The following CELA2A variants were observed in gnomAD, a reference collection of about 807,000 sequenced individuals.
The protein encoded by CELA2A is chymotrypsin like elastase 2A.
CELA2A carries 31 observed loss-of-function variants against 35.3 expected under a neutral mutation model. The ratio of observed to expected loss-of-function variants is 0.88; its 90% confidence interval spans 0.66 to 1.19. The LOEUF (loss-of-function observed/expected upper bound fraction) is 1.19, where lower values mean the gene tolerates loss of function less well. CELA2A is among the 50% of genes most tolerant of loss of function. The pLI is 0.00. For missense variants in CELA2A, 330 were observed against 352.9 expected (o/e 0.94, Z 0.52); for synonymous variants, 150 against 149.8 (o/e 1.00, Z -0.01).
intron 2 of CELA2A, among the ~76,000 whole-genome samples, chr1:15,461,219 T>G (rs574999485): frequency 1.5e-3 from 227 of 152,148 alleles, no homozygotes; most frequent in Non-Finnish European, 2.9e-3. Flanking sequence ...AAGATGAGAT[T>G]TGGGTAGGGA....
At position 15,457,057 on chromosome 1, in the gene CELA2A, C is replaced by T. The variant is rs201633445; in HGVS notation, c.41-29C>T. 8.5e-5 allele frequency: 132 copies of T among 1,558,016 alleles called. No homozygotes were observed. In the East Asian group the frequency reaches 2.8e-3, roughly 33 times the overall value. ...TTTACATTGTGTGGGTCGCTGCTTC[C>T]TGACTCAAGACCCTTTCTCTTTTCA... On this transcript the variant is annotated intron_variant, in intron 1 of 7. Transcript: ENST00000359621.
At chr1:15,462,621 C>T in intron 3 of CELA2A, 112 bp from the exon 4 acceptor site, 1 of 1,358,014 alleles carries the variant, frequency 7.4e-7, no homozygotes, top group South Asian at 1.4e-5. Flanking sequence ...GGAAAGATCC[C>T]CAAGTCCCAT....
rs555516808 is a variant in CELA2A, at chr1:15,470,656, A to C, written c.793-1334A>C. Among the ~76,000 whole-genome samples the C allele has an allele frequency of 3.7e-4, 57 of 152,138 alleles. 1 individual carries two copies. Among genetic ancestry groups the C allele is most frequent in the African/African-American group, 1.3e-3 (56 of 41,496 alleles). The stretch of plus-strand genomic sequence containing the variant: ...AATGCAGTGGCTTGATCGCAGCTCA[A>C]TGCAACCTCCACCTCCCGGGTTCAA... On this transcript the variant is annotated intron_variant, in intron 7 of 7. Coordinates refer to ENST00000359621, the MANE Select transcript of CELA2A (RefSeq NM_033440.3).
chr1:15,466,962 T>C (rs1372626687), intron 6 of CELA2A, among the ~76,000 whole-genome samples: 1 of 152,110 alleles, frequency 6.6e-6, no homozygotes. Context: ...CCCTACACAC[T>C]CTGCCCACAT....
At position 15,463,625 on chromosome 1, in the gene CELA2A, C is replaced by A. The variant is rs1279430675; in HGVS notation, c.493+103C>A. The A allele has an allele frequency of 7.6e-6, 12 of 1,569,898 alleles. No individual in the cohort carries two copies. The African/African-American group carries it at 1.2e-4, about 16-fold the overall frequency. On this transcript the variant is annotated intron_variant, in intron 5 of 7. Transcript: ENST00000359621. ...TCACCTGTCATCCCAGGGTGTGTGG[C>A]TGCCTTGGAGAGACGGGATGGCATA...
In CELA2A at chr1:15,463,364, C is replaced by G. The variant is rs1401693732; in HGVS notation, c.357-22C>G. The G allele has an allele frequency of 3.1e-6, 5 of 1,613,022 alleles. No individual in the cohort carries two copies. In the African/African-American group the frequency reaches 6.7e-5, roughly 22 times the overall value. ...AGGAAAAGTCAACCCGGTCCTCATG[C>G]TTCGCCTCCACACTCACCCAGGAAC... On this transcript the variant is annotated intron_variant, in intron 4 of 7. Transcript: ENST00000359621.
At chr1:15,462,895 G>T in intron 4 of CELA2A, 34 bp downstream of exon 4, 1 of 1,613,864 alleles carries the variant, frequency 6.2e-7, no homozygotes, top group Non-Finnish European at 8.5e-7. Context: ...TGGGGGTGAG[G>T]TTGTCAGGGA....
In CELA2A at chr1:15,459,805, T is replaced by G. The variant is rs1277757818; in HGVS notation, c.130-1756T>G. Among the ~76,000 whole-genome samples the G allele has an allele frequency of 4.0e-5, 6 of 151,682 alleles. No homozygotes were observed. In the East Asian group the frequency reaches 1.2e-3, roughly 29 times the overall value. ...TAAGACATTCACTCTGGAGGCAAAATGTAAGGGGGTAGCACAAAACTCAGC... is the reference window on the plus strand; with the variant it reads ...TAAGACATTCACTCTGGAGGCAAAAGGTAAGGGGGTAGCACAAAACTCAGC... On this transcript the variant is annotated intron_variant, in intron 2 of 7. Coordinates refer to ENST00000359621, the MANE Select transcript of CELA2A (RefSeq NM_033440.3).
chr1:15,470,224 C>T (rs1708573094), intron 7 of CELA2A, among the ~76,000 whole-genome samples: 1 of 152,160 alleles, frequency 6.6e-6, no homozygotes, highest in South Asian at 2.1e-4. Flanking sequence ...GCAGTAGCCC[C>T]AACCCAGGGA....
In CELA2A at chr1:15,462,780, T is replaced by A. The variant is rs1480156649; in HGVS notation, c.275T>A (p.Val92Asp). ...RVGLGRHNLY[V>D]AESGSLAVSV... is the part of the protein sequence containing the mutation. ...GGGCTGGGCCGGCACAACCTCTACG[T>A]TGCGGAGTCCGGCTCGCTGGCAGTC... The change falls in exon 4 of 8, where the codon GTT becomes GAT. Residue 92 changes from valine to aspartate, a missense_variant. Val to Asp is a radical substitution (Grantham distance 152). Transcript: ENST00000359621. The A allele has an allele frequency of 1.2e-6, 2 of 1,614,124 alleles. No individual in the cohort carries two copies. The highest frequency in any genetic ancestry group is 1.6e-4 in the Middle Eastern group (1 of 6,062).
At chr1:15,459,491 G>A (rs1215549688) in intron 2 of CELA2A, among the ~76,000 whole-genome samples, 2 of 152,100 alleles carry the variant, frequency 1.3e-5, no homozygotes, top group African/African-American at 4.8e-5. Flanking sequence ...GGCTTTGTGT[G>A]CTTTTGCCAG....
intron 7 of CELA2A, among the ~76,000 whole-genome samples, chr1:15,469,508 G>A (rs1025060642): frequency 2.0e-5 from 3 of 152,192 alleles, no homozygotes; most frequent in East Asian, 1.9e-4. Context: ...CTGCAGCCAT[G>A]AGCACGTGGT....
chr1:15,465,818 G>T (rs1384790723), intron 5 of CELA2A, 181 bp from the exon 6 acceptor site: 2 of 687,388 alleles, frequency 2.9e-6, no homozygotes, highest in Non-Finnish European at 5.0e-6. Flanking sequence ...CATTGGCTTA[G>T]CTTGAGTCAG....
chr1:15,470,358 A>G (rs1220035851), intron 7 of CELA2A, among the ~76,000 whole-genome samples: 5 of 152,166 alleles, frequency 3.3e-5, no homozygotes, highest in Non-Finnish European at 5.9e-5. Flanking sequence ...AGAGCAGAGA[A>G]GCAGAGGAGA....
chr1:15,457,609 CAA>C (rs79860840), intron 2 of CELA2A: 47 of 129,542 alleles, frequency 3.6e-4, no homozygotes, highest in Non-Finnish European at 4.8e-4. Context: ...GACTCTGTCT[CAA>C]AAAAAAAAAA....
At chr1:15,457,046 G>A in intron 1 of CELA2A, 40 bp from the exon 2 acceptor site, 1 of 1,575,548 alleles carries the variant, frequency 6.3e-7, no homozygotes, top group Non-Finnish European at 8.7e-7. Flanking sequence ...CATTGTGTGG[G>A]TCGCTGCTTC....
In CELA2A at chr1:15,461,450, G is replaced by A. The variant is rs1380299499; in HGVS notation, c.130-111G>A. On this transcript the variant is annotated intron_variant, in intron 2 of 7. Transcript: ENST00000359621. ...CTGCCTTAAGTTGTGCACATGAGGC[G>A]ACTGCCTCACTCCCCCTTACCCTTG... The A allele has an allele frequency of 3.6e-5, 40 of 1,112,570 alleles. No individual in the cohort carries two copies. In the South Asian group the frequency reaches 4.1e-4, roughly 11 times the overall value. The allele number at this position is 1,112,570 out of a possible 1,614,324, so 68.9% of individuals were successfully genotyped here.
chr1:15,463,233 T>C lies in CELA2A; in HGVS notation c.357-153T>C, dbSNP rs531865585. ...TGCCTTCCCCCTTTCAACAAGGCCC[T>C]CTGCATTTTCAAACATGCCCTGGGG... On this transcript the variant is annotated intron_variant, in intron 4 of 7. Coordinates refer to ENST00000359621, the MANE Select transcript of CELA2A (RefSeq NM_033440.3). 2.4e-4 allele frequency among the ~76,000 whole-genome samples: 36 copies of C among 152,214 alleles called. No homozygotes were observed. The South Asian group carries it at 6.8e-3, about 29-fold the overall frequency.
rs1166676061 is a variant in CELA2A at position 15,466,087 on chromosome 1, C to A, written c.582C>A (p.Ser194Arg). ...GCTCCAGCTCTGCCTGGTGGGGCAG[C>A]AGCGTGAAAACCAGTATGATCTGTG... ...ATCSSSAWWG[S>R]SVKTSMICAG... The change falls in exon 6 of 8, where the codon AGC becomes AGA. Residue 194 changes from serine (S) to arginine (R), a missense_variant. Ser to Arg is a moderately radical substitution (Grantham distance 110). Transcript: ENST00000359621. The A allele has an allele frequency of 6.2e-7, 1 of 1,614,000 alleles. No homozygotes were observed. Among genetic ancestry groups the A allele is most frequent in the Non-Finnish European group, 8.5e-7 (1 of 1,180,030 alleles).
Sources: allele counts gnomAD v4.1 joint callset (sites outside exome capture counted in the v4.1 genomes callset), GRCh38; gene constraint gnomAD v4.1.1; transcripts MANE v1.5; gene names NCBI Gene and HGNC (gene_info 2026-07-23, HGNC 2026-07-21).